Variants in RP9 observed in about 807,000 individuals in gnomAD.
The protein encoded by RP9 is retinitis pigmentosa 9 protein.
RP9 carries 23 observed loss-of-function variants against 32.6 expected under a neutral mutation model. That is an observed-to-expected ratio of 0.71 (90% CI 0.51 to 1.00). RP9 has a LOEUF of 1.00. Ranked by LOEUF, RP9 falls within the 50% of genes least tolerant of loss-of-function variation. RP9 has a pLI of 0.00. For synonymous variants in RP9, 94 were observed against 103.6 expected (o/e 0.91, Z 0.56); for missense variants, 245 against 285.3 (o/e 0.86, Z 1.02).
Position 33,109,373 on chromosome 7 carries a change from GTCAGCCCCC to G in RP9, c.-10_-2del. ...CCTCGCGCCCAGGCCGGGACGACATGTCAGCCCCCGCAGCGCCGCTCGGGCAACCCCCGC... is the reference window on the plus strand; with the variant it reads ...CCTCGCGCCCAGGCCGGGACGACATGGCAGCGCCGCTCGGGCAACCCCCGC... On this transcript the variant is annotated 5_prime_UTR_variant, in exon 1 of 6. Coordinates refer to ENST00000297157, the MANE Select transcript of RP9 (RefSeq NM_203288.2). The surrounding 1 kb of genome is among the most constrained non-coding windows in gnomAD (Gnocchi z 4.9). 7.2e-7 allele frequency: 1 copy of G among 1,386,166 alleles called. No individual in the cohort carries two copies. Among genetic ancestry groups the G allele is most frequent in the Non-Finnish European group, 9.4e-7 (1 of 1,068,568 alleles). 85.9% of individuals were successfully genotyped at this position (1,386,166 alleles called of 1,614,324 possible). A position where few individuals can be genotyped will look rare whatever the true frequency, so the allele number is the denominator to read the frequency against.
intron 1 of RP9, among the ~76,000 whole-genome samples, chr7:33,102,902 G>C (rs1190604052): frequency 2.0e-5 from 3 of 152,192 alleles, no homozygotes; most frequent in African/African-American, 7.2e-5. Context: ...TGGCAGGCAG[G>C]GTCACCGAGG....
At chr7:33,095,718 A>T (rs1788322595) in intron 5 of RP9, among the ~76,000 whole-genome samples, 1 of 152,236 alleles carries the variant, frequency 6.6e-6, no homozygotes, top group Non-Finnish European at 1.5e-5. Context: ...ATACTTTACT[A>T]AACCATTCCC....
At position 33,097,375 on chromosome 7, in the gene RP9, A is replaced by G; in HGVS notation, c.314-13T>C. On this transcript the variant is annotated splice_polypyrimidine_tract_variant and intron_variant, in intron 3 of 5. Transcript: ENST00000297157. ...TTGCAACGCCAACCTAAAAACGAAAAGAGAAATATTTCTGTAAGATAACAG... is the reference window on the plus strand; with the variant it reads ...TTGCAACGCCAACCTAAAAACGAAAGGAGAAATATTTCTGTAAGATAACAG... The G allele has an allele frequency of 3.2e-6, 5 of 1,580,870 alleles. No homozygotes were observed. The highest frequency in any genetic ancestry group is 4.3e-6 in the Non-Finnish European group (5 of 1,149,880).
intron 4 of RP9, 128 bp from the exon 5 acceptor site, chr7:33,096,682 C>T: frequency 1.3e-6 from 1 of 751,362 alleles, no homozygotes; most frequent in Non-Finnish European, 2.4e-6. Flanking sequence ...GCATGTTCAA[C>T]ATGTTCTAGG....
rs1203242393 is a variant in RP9, at chr7:33,095,252, C to T, written c.648G>A (p.Glu216=). The T allele has an allele frequency of 6.2e-7, 1 of 1,612,134 alleles. No homozygotes were observed. Among genetic ancestry groups the T allele is most frequent in the South Asian group, 1.1e-5 (1 of 90,934 alleles). Residue 216 remains glutamate, a synonymous_variant, in exon 6 of 6, where the codon GAG becomes GAA. Coordinates refer to ENST00000297157, the MANE Select transcript of RP9 (RefSeq NM_203288.2). The part of the protein sequence containing the change: ...KRKHKSSKSN[E]GSDSE ...ATCCTTGTCACTCTGAGTCAGAACC[C>T]TCATTTGACTTGGAAGATTTGTGCT...
At chr7:33,106,172 G>C (rs202100730) in intron 1 of RP9, among the ~76,000 whole-genome samples, 1 of 150,026 alleles carries the variant, frequency 6.7e-6, no homozygotes, top group Admixed American at 6.6e-5. Flanking sequence ...TTTTTTTTTT[G>C]TTTGTTTGTT....
intron 1 of RP9, among the ~76,000 whole-genome samples, chr7:33,106,264 C>T (rs550539324): frequency 6.6e-6 from 1 of 151,978 alleles, no homozygotes; most frequent in Non-Finnish European, 1.5e-5. Flanking sequence ...ACCTCCCAGG[C>T]TCAAGCAGAT....
At position 33,109,206 on chromosome 7, in the gene RP9, C is replaced by T; in HGVS notation, c.152+15G>A. 6.7e-7 allele frequency: 1 copy of T among 1,490,986 alleles called. No homozygotes were observed. 92.4% of individuals were successfully genotyped at this position (1,490,986 alleles called of 1,614,324 possible). A position where few individuals can be genotyped will look rare whatever the true frequency, so the allele number is the denominator to read the frequency against. The stretch of plus-strand genomic sequence containing the variant: ...CAGAAGACTGGCCGCGCGCGGACGG[C>T]AGCTCGGGACTCACAAGGACTCCAG... On this transcript the variant is annotated intron_variant, in intron 1 of 5. Coordinates refer to ENST00000297157, the MANE Select transcript of RP9 (RefSeq NM_203288.2). This position sits in a 1 kb window ranked among gnomAD's most constrained non-coding sequence, Gnocchi z 4.9.
chr7:33,105,157 A>G (rs898059043), intron 1 of RP9, among the ~76,000 whole-genome samples: 6 of 152,178 alleles, frequency 3.9e-5, no homozygotes, highest in African/African-American at 1.4e-4. Flanking sequence ...AGTGTACTGA[A>G]GGACAACAGA....
At chr7:33,100,935 C>T in intron 1 of RP9, 1 of 389,410 alleles carries the variant, frequency 2.6e-6, no homozygotes, top group Non-Finnish European at 5.0e-6. Context: ...TTTGTACCTC[C>T]TCCCAAAAGA....
At chr7:33,098,994 C>T (rs1788384609) in intron 3 of RP9, 2 of 441,010 alleles carry the variant, frequency 4.5e-6, no homozygotes, top group African/African-American at 2.0e-5. Context: ...AACAAAATGC[C>T]GTATTCTGGG....
Position 33,109,384 on chromosome 7 carries a change from C to G in RP9, c.-12G>C. ...GGCCGGGACGACATGTCAGCCCCCG[C>G]AGCGCCGCTCGGGCAACCCCCGCGG... On this transcript the variant is annotated 5_prime_UTR_variant, in exon 1 of 6. Coordinates refer to ENST00000297157, the MANE Select transcript of RP9 (RefSeq NM_203288.2). The surrounding 1 kb of genome is among the most constrained non-coding windows in gnomAD (Gnocchi z 4.9). The G allele has an allele frequency of 2.4e-6, 3 of 1,250,416 alleles. No homozygotes were observed. The South Asian group carries it at 6.7e-5, about 28-fold the overall frequency. 77.5% of individuals were successfully genotyped at this position (1,250,416 alleles called of 1,614,324 possible).
intron 1 of RP9, among the ~76,000 whole-genome samples, chr7:33,106,013 T>C (rs146771981): frequency 5.5e-4 from 83 of 152,238 alleles, no homozygotes; most frequent in African/African-American, 1.9e-3. Flanking sequence ...TTTGGAGACA[T>C]TGGGGGAAAA....
chr7:33,109,222 A>G lies in RP9; in HGVS notation c.151T>C (p.Phe51Leu). The G allele has an allele frequency of 6.7e-7, 1 of 1,495,600 alleles. No individual in the cohort carries two copies. Among genetic ancestry groups the G allele is most frequent in the Non-Finnish European group, 8.9e-7 (1 of 1,124,454 alleles). The allele number at this position is 1,495,600 out of a possible 1,614,324, so 92.6% of individuals were successfully genotyped here. Residue 51 changes from phenylalanine to leucine, a missense_variant and splice_region_variant, in exon 1 of 6, where the codon TTT becomes CTT. Around this residue, in one of 2 missense-constraint regions of RP9, gnomAD observed 182 missense variants for 175.5 expected, o/e 1.04. Transcript: ENST00000297157. The surrounding 1 kb of genome is among the most constrained non-coding windows in gnomAD (Gnocchi z 4.9). The part of the protein sequence containing the change: ...QLQQLKHLES[F>L]YEKPPPGLIK... ...CGCGGACGGCAGCTCGGGACTCACA[A>G]GGACTCCAGGTGCTTGAGCTGCTGC...
At chr7:33,103,028 T>A (rs74885723) in intron 1 of RP9, among the ~76,000 whole-genome samples, 5 of 152,180 alleles carry the variant, frequency 3.3e-5, no homozygotes, top group Non-Finnish European at 5.9e-5. Context: ...CTGACCAACA[T>A]GCTTATCTAT....
Position 33,109,085 on chromosome 7 carries a change from G to C in RP9, c.152+136C>G, listed in dbSNP as rs933690104. The C allele has an allele frequency of 2.7e-5, 35 of 1,284,978 alleles. No individual in the cohort carries two copies. Among genetic ancestry groups the C allele is most frequent in the African/African-American group, 3.2e-5 (2 of 62,814 alleles). The allele number at this position is 1,284,978 out of a possible 1,614,324, so 79.6% of individuals were successfully genotyped here. A position where few individuals can be genotyped will look rare whatever the true frequency, so the allele number is the denominator to read the frequency against. On this transcript the variant is annotated intron_variant, in intron 1 of 5. Coordinates refer to ENST00000297157, the MANE Select transcript of RP9 (RefSeq NM_203288.2). The surrounding 1 kb of genome is among the most constrained non-coding windows in gnomAD (Gnocchi z 4.9). ...GCCCGACATCGGTCGCCCGCACCAG[G>C]CTCCTGCCGGGCCCAGCCCCCCTGC...
chr7:33,101,856 A>G (rs1227534057), intron 1 of RP9, among the ~76,000 whole-genome samples: 1 of 152,238 alleles, frequency 6.6e-6, no homozygotes, highest in Non-Finnish European at 1.5e-5. Flanking sequence ...AATCTGCACA[A>G]CTTGTGAAGA....
At chr7:33,108,476 C>T (rs942384379) in intron 1 of RP9, among the ~76,000 whole-genome samples, 1 of 152,212 alleles carries the variant, frequency 6.6e-6, no homozygotes, top group African/African-American at 2.4e-5. Flanking sequence ...CCCTCAACTG[C>T]CTAAAATAAA....
At chr7:33,099,500 G>A in intron 2 of RP9, 64 bp from the exon 3 acceptor site, 1 of 1,600,508 alleles carries the variant, frequency 6.2e-7, no homozygotes, top group Non-Finnish European at 8.6e-7. Context: ...TGCTCCCCTT[G>A]GAGCCACCCT....
Sources: allele counts gnomAD v4.1 joint callset (sites outside exome capture counted in the v4.1 genomes callset), GRCh38; gene constraint gnomAD v4.1.1; regional missense constraint gnomAD v4.1.1; non-coding constraint Gnocchi (gnomAD v3.1); transcripts MANE v1.5; gene names NCBI Gene and HGNC (gene_info 2026-07-23, HGNC 2026-07-21).